ELP4: variants seen among roughly 807,000 people sequenced by gnomAD.
ELP4 encodes the protein elongator acetyltransferase complex subunit 4, also known as elongator complex protein 4.
Under a neutral mutation model 48.9 loss-of-function variants are expected in ELP4, and 51 were observed. The observed-to-expected ratio is 1.04, with a 90% CI of 0.83 to 1.32. ELP4 has a LOEUF of 1.32. Ranked by LOEUF, ELP4 falls within the 40% of genes most tolerant of loss-of-function variation. ELP4 has a pLI of 0.00. For synonymous variants in ELP4, 210 were observed against 189.2 expected (o/e 1.11, Z -0.90); for missense variants, 519 against 514.6 (o/e 1.01, Z -0.08).
rs752763654 is a variant in ELP4 at position 31,627,181 on chromosome 11, G to A, written c.725G>A (p.Gly242Glu). Residue 242 changes from glycine to glutamate, a missense_variant, in exon 6 of 10, where the codon GGA (glycine) becomes GAA (glutamate). Gly to Glu is a moderately conservative substitution (Grantham distance 98). Transcript: ENST00000640961. ...QNIIYEEGFDGSNPQKKQRNI... is the reference protein window; with the variant it reads ...QNIIYEEGFDESNPQKKQRNI... ...ATCATTTATGAGGAAGGATTTGATGGATCCAATCCTCAGGTATTAAATAGC... is the reference window on the plus strand; with the variant it reads ...ATCATTTATGAGGAAGGATTTGATGAATCCAATCCTCAGGTATTAAATAGC... 2 of 1,526,574 alleles carry A rather than the reference G, an allele frequency of 1.3e-6. No homozygotes were observed. The highest frequency in any genetic ancestry group is 2.9e-5 in the African/African-American group (2 of 68,720). The allele number at this position is 1,526,574 out of a possible 1,614,324, so 94.6% of individuals were successfully genotyped here.
chr11:31,638,207 ACTC>A (rs2134055498), intron 7 of ELP4, among the ~76,000 whole-genome samples: 1 of 151,792 alleles, frequency 6.6e-6, no homozygotes, highest in East Asian at 1.9e-4. Context: ...AAGAATGAAA[ACTC>A]CTTTGACATT....
chr11:31,541,786 T>C (rs1472473338), intron 3 of ELP4, among the ~76,000 whole-genome samples: 4 of 152,218 alleles, frequency 2.6e-5, no homozygotes, highest in Non-Finnish European at 4.4e-5. Flanking sequence ...ACTTTACATA[T>C]CCTTCTTTAG....
At chr11:31,645,395 A>G (rs1023457054) in intron 7 of ELP4, among the ~76,000 whole-genome samples, 9 of 151,832 alleles carry the variant, frequency 5.9e-5, no homozygotes, top group African/African-American at 1.9e-4. Flanking sequence ...TGTTAAGATT[A>G]AATGAAAGAA....
At chr11:31,696,716 G>A (rs959692328) in intron 9 of ELP4, among the ~76,000 whole-genome samples, 3 of 152,146 alleles carry the variant, frequency 2.0e-5, no homozygotes, top group Non-Finnish European at 4.4e-5. Flanking sequence ...ATGCCAAATT[G>A]TAAAGACCAT....
At chr11:31,566,337 G>C (rs543215692) in intron 3 of ELP4, among the ~76,000 whole-genome samples, 1 of 151,510 alleles carries the variant, frequency 6.6e-6, no homozygotes, top group South Asian at 2.1e-4. Context: ...TATCCTGGGC[G>C]TCAGAGCGAG....
At chr11:31,537,552 A>G (rs1353301112) in intron 2 of ELP4, among the ~76,000 whole-genome samples, 1 of 152,214 alleles carries the variant, frequency 6.6e-6, no homozygotes, top group African/African-American at 2.4e-5. Flanking sequence ...TAATTGGCTC[A>G]TGGTTCTGCA....
intron 3 of ELP4, among the ~76,000 whole-genome samples, chr11:31,549,290 GA>G (rs1956793554): frequency 6.6e-6 from 1 of 151,608 alleles, no homozygotes; most frequent in Admixed American, 6.6e-5. Flanking sequence ...AAATTTACAA[GA>G]AAAAAACAAA....
At chr11:31,515,903 G>A (rs1248089011) in intron 1 of ELP4, among the ~76,000 whole-genome samples, 2 of 152,198 alleles carry the variant, frequency 1.3e-5, no homozygotes, top group Non-Finnish European at 2.9e-5. Flanking sequence ...GAGGTCAGGA[G>A]ATTGAGACCA....
chr11:31,764,137 C>T (rs1565145683), intron 9 of ELP4, among the ~76,000 whole-genome samples: 2 of 152,052 alleles, frequency 1.3e-5, no homozygotes, highest in Admixed American at 6.6e-5. Context: ...AGGTAAAACC[C>T]GAGCATCTTG....
rs968921493 is a variant in ELP4 at position 31,789,620 on chromosome 11, T to C, written c.*6096T>C. 12 of 668,852 alleles carry C rather than the reference T, an allele frequency of 1.8e-5. No homozygotes were observed. The highest frequency in any genetic ancestry group is 3.0e-5 in the Non-Finnish European group (11 of 371,736). 41.4% of individuals were successfully genotyped at this position (668,852 alleles called of 1,614,324 possible). On this transcript the variant is annotated 3_prime_UTR_variant, in exon 10 of 10. Coordinates refer to ENST00000640961, the MANE Select transcript of ELP4 (RefSeq NM_019040.5). ...CTTCATGACCAACACAGATCAAACA[T>C]CCATCCAGTCTACATTGTTCTTTTT...
intron 9 of ELP4, chr11:31,687,852 A>AT (rs1229017716): frequency 6.6e-6 from 1 of 152,232 alleles, no homozygotes; most frequent in Non-Finnish European, 1.5e-5. Context: ...AGTTAATGGC[A>AT]TAAGTTTAAA....
chr11:31,707,778 C>A (rs761145141), intron 9 of ELP4, among the ~76,000 whole-genome samples: 1 of 152,160 alleles, frequency 6.6e-6, no homozygotes, highest in Non-Finnish European at 1.5e-5. Context: ...AATCCATTTT[C>A]CAGTTCTGTA....
intron 9 of ELP4, among the ~76,000 whole-genome samples, chr11:31,675,979 C>A (rs1324033675): frequency 1.3e-5 from 2 of 152,138 alleles, no homozygotes; most frequent in Non-Finnish European, 2.9e-5. Flanking sequence ...GAGGATGATT[C>A]TTTTAAAACA....
intron 9 of ELP4, among the ~76,000 whole-genome samples, chr11:31,711,432 G>C (rs768200445): frequency 6.6e-6 from 1 of 152,020 alleles, no homozygotes; most frequent in African/African-American, 2.4e-5. Context: ...TCTATAAATT[G>C]TCTTTAGTAG....
chr11:31,749,117 G>A (rs1409390997), intron 9 of ELP4, among the ~76,000 whole-genome samples: 2 of 152,134 alleles, frequency 1.3e-5, no homozygotes, highest in East Asian at 3.9e-4. Flanking sequence ...AGATGGGGAT[G>A]ACTTATGGAA....
At chr11:31,567,476 A>G (rs900421645) in intron 3 of ELP4, among the ~76,000 whole-genome samples, 1 of 152,228 alleles carries the variant, frequency 6.6e-6, no homozygotes, top group African/African-American at 2.4e-5. Context: ...GTTTTTGCAT[A>G]TGCAGACCAT....
At chr11:31,524,652 C>T (rs1011661497) in intron 2 of ELP4, among the ~76,000 whole-genome samples, 1 of 152,170 alleles carries the variant, frequency 6.6e-6, no homozygotes, top group African/African-American at 2.4e-5. Flanking sequence ...ATATTATTTC[C>T]TGTAATAGCA....
At position 31,595,002 on chromosome 11, in the gene ELP4, A is replaced by C. The variant is rs184417536; in HGVS notation, c.513+101A>C. On this transcript the variant is annotated intron_variant, in intron 4 of 9. Transcript: ENST00000640961. ...CCTATATGTGTATTTGTTTATTTAA[A>C]GAATTAGCTGTTTCATTTGTAGAGT... 1.1e-4 allele frequency: 104 copies of C among 931,382 alleles called. No homozygotes were observed. The African/African-American group carries it at 1.7e-3, about 15-fold the overall frequency. The allele number at this position is 931,382 out of a possible 1,614,324, so 57.7% of individuals were successfully genotyped here.
At chr11:31,602,972 A>G (rs1957809203) in intron 4 of ELP4, among the ~76,000 whole-genome samples, 1 of 152,014 alleles carries the variant, frequency 6.6e-6, no homozygotes, top group Non-Finnish European at 1.5e-5. Context: ...GTCCATTCAA[A>G]GCAATGTAAT....
Sources: gnomAD v4.1 joint callset for allele counts (sites outside exome capture counted in the v4.1 genomes callset) on GRCh38, gnomAD v4.1.1 for gene constraint, MANE v1.5 for transcripts, NCBI Gene and HGNC (gene_info 2026-07-23, HGNC 2026-07-21) for gene names.